CSMD1: variants seen among roughly 807,000 people sequenced by gnomAD.
CSMD1 encodes CUB and Sushi multiple domains 1, also known as CUB and sushi domain-containing protein 1.
In CSMD1, 213 loss-of-function variants were observed where a neutral mutation model predicts 417.5. That is an observed-to-expected ratio of 0.51 (90% confidence interval 0.46 to 0.57). CSMD1 has a LOEUF of 0.57. Ranked by LOEUF, CSMD1 falls within the 20% of genes least tolerant of loss-of-function variation. CSMD1 has a pLI of 0.00. For synonymous variants in CSMD1, 2,862 were observed against 1,736.8 expected (o/e 1.65, Z -16.11); for missense variants, 6,923 against 4,529.7 (o/e 1.53, Z -15.17).
intron 5 of CSMD1, among the ~76,000 whole-genome samples, chr8:3,918,645 G>C (rs1018451384): frequency 6.6e-6 from 1 of 152,098 alleles, no homozygotes; most frequent in Non-Finnish European, 1.5e-5. Context: ...TCAAAAACGA[G>C]TGGATAAAGA....
chr8:4,562,686 G>A (rs1798400574), intron 2 of CSMD1, among the ~76,000 whole-genome samples: 1 of 152,106 alleles, frequency 6.6e-6, no homozygotes, highest in Non-Finnish European at 1.5e-5. Context: ...CGCCACTGGT[G>A]TTCAGGCCCA....
At chr8:3,190,598 C>G (rs1287256855) in intron 33 of CSMD1, among the ~76,000 whole-genome samples, 1 of 152,132 alleles carries the variant, frequency 6.6e-6, no homozygotes, top group East Asian at 1.9e-4. Context: ...TAATAAAAAT[C>G]TTAAACTACC....
chr8:3,850,627 G>A (rs144538678), intron 5 of CSMD1, among the ~76,000 whole-genome samples: 4,065 of 152,190 alleles, frequency 0.027, 81 homozygotes, highest in African/African-American at 0.058. Flanking sequence ...CCTGGGGGGC[G>A]GAGGTTGAGG....
rs114232520 is a variant in CSMD1, at chr8:4,439,843, G to A, written c.303-19778C>T. Among the ~76,000 whole-genome samples, 696 of 152,182 alleles carry A rather than the reference G, an allele frequency of 4.6e-3. 2 individuals are homozygous for A. Among genetic ancestry groups the A allele is most frequent in the African/African-American group, 0.016 (681 of 41,518 alleles). ...AAAATTAAAGGCACTAATACAGAAG[G>A]CAGCTTCGAAAGATAGGATGGTGTA... is the stretch of plus-strand genomic sequence containing the variant. On this transcript the variant is annotated intron_variant, in intron 2 of 69. Transcript: ENST00000635120.
intron 1 of CSMD1, among the ~76,000 whole-genome samples, chr8:4,982,032 G>A (rs536060431): frequency 6.5e-4 from 99 of 152,198 alleles, no homozygotes; most frequent in African/African-American, 2.4e-3. Context: ...TCCTACAACT[G>A]CAAGGAACTG....
intron 1 of CSMD1, among the ~76,000 whole-genome samples, chr8:4,840,940 C>A (rs768298231): frequency 1.3e-5 from 2 of 152,192 alleles, no homozygotes; most frequent in Admixed American, 1.3e-4. Flanking sequence ...TATCCCTAAT[C>A]TATACTTTTA....
At chr8:4,166,031 C>G (rs889222473) in intron 3 of CSMD1, among the ~76,000 whole-genome samples, 5 of 152,080 alleles carry the variant, frequency 3.3e-5, no homozygotes, top group African/African-American at 1.2e-4. Context: ...CTTTTCTTGA[C>G]CTTATTTACA....
intron 3 of CSMD1, among the ~76,000 whole-genome samples, chr8:4,380,912 A>G (rs1055581433): frequency 6.6e-6 from 1 of 152,110 alleles, no homozygotes; most frequent in Non-Finnish European, 1.5e-5. Context: ...ATTGTTTTAT[A>G]CATTTTGAGA....
intron 3 of CSMD1, among the ~76,000 whole-genome samples, chr8:4,104,350 G>A (rs548113111): frequency 6.6e-6 from 1 of 152,146 alleles, no homozygotes; most frequent in Non-Finnish European, 1.5e-5. Context: ...AAGGCATTAA[G>A]ACTGCACACT....
chr8:4,982,410 C>T (rs772253762), intron 1 of CSMD1, among the ~76,000 whole-genome samples: 2 of 152,154 alleles, frequency 1.3e-5, no homozygotes, highest in East Asian at 3.9e-4. Context: ...ACAGAGAATG[C>T]TATAAAATTA....
chr8:3,425,947 A>C (rs1344416377), intron 12 of CSMD1, among the ~76,000 whole-genome samples: 2 of 152,194 alleles, frequency 1.3e-5, no homozygotes, highest in Non-Finnish European at 2.9e-5. Context: ...CACTAGAATA[A>C]AAGGGGTTTT....
chr8:4,509,181 A>C (rs1802691477), intron 2 of CSMD1, among the ~76,000 whole-genome samples: 1 of 152,214 alleles, frequency 6.6e-6, no homozygotes, highest in African/African-American at 2.4e-5. Context: ...CTTTCTTTTT[A>C]ACAAAATCAT....
At chr8:4,947,122 A>G (rs1209912040) in intron 1 of CSMD1, among the ~76,000 whole-genome samples, 9 of 152,212 alleles carry the variant, frequency 5.9e-5, no homozygotes, top group Non-Finnish European at 1.5e-5. Context: ...ACTTGTATCC[A>G]TCTGTGCATA....
At chr8:3,645,733 G>C (rs1797541448) in intron 7 of CSMD1, among the ~76,000 whole-genome samples, 1 of 152,170 alleles carries the variant, frequency 6.6e-6, no homozygotes, top group African/African-American at 2.4e-5. Context: ...GAAGCTGCTG[G>C]CATCTGGAGG....
intron 1 of CSMD1, among the ~76,000 whole-genome samples, chr8:4,687,407 G>A (rs1266320511): frequency 6.6e-6 from 1 of 152,172 alleles, no homozygotes; most frequent in Non-Finnish European, 1.5e-5. Flanking sequence ...ATACGTACTA[G>A]AGTGGAAAGA....
At chr8:4,143,843 T>A (rs1312943818) in intron 3 of CSMD1, among the ~76,000 whole-genome samples, 1 of 151,056 alleles carries the variant, frequency 6.6e-6, no homozygotes, top group Non-Finnish European at 1.5e-5. Flanking sequence ...TTTAAGTACT[T>A]ATTTTGAGGT....
At chr8:3,412,907 T>C (rs1021062138) in intron 12 of CSMD1, among the ~76,000 whole-genome samples, 2 of 152,210 alleles carry the variant, frequency 1.3e-5, no homozygotes, top group African/African-American at 4.8e-5. Context: ...CTCTTGTTTG[T>C]TGTGGGCTCT....
chr8:4,134,661 A>T (rs1803309750), intron 3 of CSMD1, among the ~76,000 whole-genome samples: 1 of 152,192 alleles, frequency 6.6e-6, no homozygotes, highest in South Asian at 2.1e-4. Flanking sequence ...ATCTAGAATC[A>T]TTCAAATTTT....
At chr8:4,544,221 C>T (rs1797537335) in intron 2 of CSMD1, among the ~76,000 whole-genome samples, 1 of 152,088 alleles carries the variant, frequency 6.6e-6, no homozygotes, top group Admixed American at 6.6e-5. Context: ...CCTCCTTTGT[C>T]ATCCTTGTGT....
Sources: gnomAD v4.1 joint callset for allele counts (sites outside exome capture counted in the v4.1 genomes callset) on GRCh38, gnomAD v4.1.1 for gene constraint, MANE v1.5 for transcripts, NCBI Gene and HGNC (gene_info 2026-07-23, HGNC 2026-07-21) for gene names.